TYR: variants seen among roughly 807,000 people sequenced by gnomAD.
The protein encoded by TYR is LB24-AB.
Under a neutral mutation model 51.5 loss-of-function variants are expected in TYR, and 58 were observed. The ratio of observed to expected loss-of-function variants is 1.13; its 90% confidence interval spans 0.91 to 1.40. The LOEUF (loss-of-function observed/expected upper bound fraction) is 1.40. Ranked by LOEUF, TYR falls within the 40% of genes most tolerant of loss-of-function variation. The probability of loss-of-function intolerance (pLI) is 0.00; values close to 1 mark genes in which losing one functional copy is unlikely to be tolerated. For synonymous variants in TYR, 263 were observed against 235.2 expected (o/e 1.12, Z -1.08); for missense variants, 732 against 647.4 (o/e 1.13, Z -1.42).
At chr11:89,189,350 C>T (rs77501139) in intron 1 of TYR, among the ~76,000 whole-genome samples, 3,451 of 151,796 alleles carry the variant, frequency 0.023, 122 homozygotes, top group African/African-American at 0.077. Context: ...ATTTTTAAGA[C>T]GGTATTTCTA....
At chr11:89,198,570 C>A in intron 2 of TYR, among the ~76,000 whole-genome samples, 1 of 152,062 alleles carries the variant, frequency 6.6e-6, no homozygotes, top group Non-Finnish European at 1.5e-5. Flanking sequence ...TTCCTATGTG[C>A]CAGACATTAA....
intron 1 of TYR, among the ~76,000 whole-genome samples, chr11:89,180,434 T>C (rs947336712): frequency 5.3e-5 from 8 of 152,160 alleles, no homozygotes; most frequent in African/African-American, 7.2e-5. Flanking sequence ...ATGAGATGTG[T>C]AATACCAGAT....
intron 2 of TYR, among the ~76,000 whole-genome samples, chr11:89,198,995 G>A (rs1243277423): frequency 6.6e-6 from 1 of 152,074 alleles, no homozygotes; most frequent in African/African-American, 2.4e-5. Context: ...CCACCTATGA[G>A]TGAGAACATG....
chr11:89,282,011 T>A (rs1944726517), intron 3 of TYR, among the ~76,000 whole-genome samples: 1 of 151,836 alleles, frequency 6.6e-6, no homozygotes, highest in African/African-American at 2.4e-5. Flanking sequence ...AGTCATGGTT[T>A]GGTGAAATTA....
chr11:89,178,999 A>C (rs1943266398), intron 1 of TYR, among the ~76,000 whole-genome samples: 1 of 152,218 alleles, frequency 6.6e-6, no homozygotes, highest in Non-Finnish European at 1.5e-5. Context: ...TCTAAACTGC[A>C]ATGAACAGAG....
rs1006543040 is a variant in TYR at position 89,191,065 on chromosome 11, G to A, written c.820-137G>A. On this transcript the variant is annotated intron_variant, in intron 1 of 4. Transcript: ENST00000263321. ...GATGGATTTCTCAGAACATATCCCT[G>A]TCATTAAAGACACATGATTGTAGTA... The A allele has an allele frequency of 5.8e-5, 44 of 758,434 alleles. No homozygotes were observed. The African/African-American group carries it at 7.3e-4, about 13-fold the overall frequency. The allele number at this position is 758,434 out of a possible 1,614,324, so 47.0% of individuals were successfully genotyped here.
At chr11:89,201,860 G>A (rs1943602537) in intron 2 of TYR, among the ~76,000 whole-genome samples, 1 of 152,096 alleles carries the variant, frequency 6.6e-6, no homozygotes, top group African/African-American at 2.4e-5. Flanking sequence ...TTAAAAATAA[G>A]GGCATCTGGG....
At chr11:89,187,090 A>C (rs1943384621) in intron 1 of TYR, among the ~76,000 whole-genome samples, 1 of 152,120 alleles carries the variant, frequency 6.6e-6, no homozygotes, top group Admixed American at 6.6e-5. Flanking sequence ...ACCTACTCAA[A>C]CAAGTCTTAG....
chr11:89,243,941 C>G (rs1239754389), intron 3 of TYR, among the ~76,000 whole-genome samples: 1 of 151,872 alleles, frequency 6.6e-6, no homozygotes, highest in Non-Finnish European at 1.5e-5. Context: ...CATGTATATT[C>G]AAACGCAAAT....
chr11:89,191,368 C>G lies in TYR; in HGVS notation c.986C>G (p.Ser329Cys). 1 of 1,613,766 alleles carries G rather than the reference C, an allele frequency of 6.2e-7. No individual in the cohort carries two copies. The highest frequency in any genetic ancestry group is 1.3e-5 in the African/African-American group (1 of 75,002). ...TGCCTGAGTTTGACCCAATATGAATCTGGTTCCATGGATAAAGCTGCCAAT... is the reference window on the plus strand; with the variant it reads ...TGCCTGAGTTTGACCCAATATGAATGTGGTTCCATGGATAAAGCTGCCAAT... ...EFCLSLTQYE[S>C]GSMDKAANFS... Residue 329 changes from serine to cysteine, a missense_variant, in exon 2 of 5, where the codon TCT (serine) becomes TGT (cysteine). Ser to Cys is a moderately radical substitution (Grantham distance 112). Coordinates refer to ENST00000263321, the MANE Select transcript of TYR (RefSeq NM_000372.5).
chr11:89,228,116 G>A (rs1281998212), intron 3 of TYR, 146 bp downstream of exon 3: 1 of 929,984 alleles, frequency 1.1e-6, no homozygotes, highest in Non-Finnish European at 1.7e-6. Context: ...ACAGACCTTA[G>A]GCTAAGAATT....
chr11:89,227,217 CATT>C lies in TYR; in HGVS notation c.1037-601_1037-599del, dbSNP rs765105105. ...TAATTGCTCTTATTAAAATTTTTCC[CATT>C]ATTACTGTTGCTGATGCAATAAATG... On this transcript the variant is annotated intron_variant, in intron 2 of 4. Coordinates refer to ENST00000263321, the MANE Select transcript of TYR (RefSeq NM_000372.5). Among the ~76,000 whole-genome samples the C allele has an allele frequency of 5.9e-5, 9 of 152,114 alleles. No homozygotes were observed. The East Asian group carries it at 1.5e-3, about 26-fold the overall frequency.
At chr11:89,223,908 G>GT (rs66544506) in intron 2 of TYR, among the ~76,000 whole-genome samples, 3,261 of 143,012 alleles carry the variant, frequency 0.023, 127 homozygotes, top group African/African-American at 0.072. Context: ...TTCTTTAGCT[G>GT]TTTTTTTTTT....
At chr11:89,244,624 T>G (rs1944240500) in intron 3 of TYR, among the ~76,000 whole-genome samples, 2 of 152,218 alleles carry the variant, frequency 1.3e-5, no homozygotes, top group Non-Finnish European at 2.9e-5. Flanking sequence ...AGTAAAAGGT[T>G]GGTGCTAGAT....
At chr11:89,225,436 CCTAT>C (rs1252521043) in intron 2 of TYR, among the ~76,000 whole-genome samples, 3 of 151,858 alleles carry the variant, frequency 2.0e-5, no homozygotes, top group East Asian at 3.9e-4. Context: ...ACTTATTCCT[CCTAT>C]CTAACAAAAA....
chr11:89,231,712 A>T (rs149372579), intron 3 of TYR, among the ~76,000 whole-genome samples: 2 of 142,850 alleles, frequency 1.4e-5, no homozygotes, highest in Admixed American at 6.9e-5. Flanking sequence ...GGCTGAGCGC[A>T]GTGGATCATG....
At chr11:89,272,924 T>C (rs952683178) in intron 3 of TYR, among the ~76,000 whole-genome samples, 6 of 151,934 alleles carry the variant, frequency 3.9e-5, no homozygotes, top group South Asian at 2.1e-4. Flanking sequence ...ACTCATAAAA[T>C]TGAAGAGAGC....
At chr11:89,256,336 T>C (rs1029640863) in intron 3 of TYR, among the ~76,000 whole-genome samples, 22 of 151,816 alleles carry the variant, frequency 1.4e-4, no homozygotes, top group Non-Finnish European at 1.5e-5. Context: ...ATATATACTC[T>C]ATAATTACTA....
intron 3 of TYR, among the ~76,000 whole-genome samples, chr11:89,278,793 T>C (rs1160726800): frequency 2.0e-5 from 3 of 151,714 alleles, no homozygotes; most frequent in Non-Finnish European, 4.4e-5. Context: ...ACCTAATATC[T>C]TCTTCTGCTC....
Sources: allele counts gnomAD v4.1 joint callset (sites outside exome capture counted in the v4.1 genomes callset), GRCh38; gene constraint gnomAD v4.1.1; transcripts MANE v1.5; gene names NCBI Gene and HGNC (gene_info 2026-07-23, HGNC 2026-07-21).